PXK: variants seen among roughly 807,000 people sequenced by gnomAD.
PXK encodes PX domain-containing protein kinase-like protein.
Under a neutral mutation model 84.7 loss-of-function variants are expected in PXK, and 35 were observed. The ratio of observed to expected loss-of-function variants is 0.41; its 90% CI spans 0.32 to 0.55. The LOEUF is 0.55. Among genes scored for constraint, PXK ranks in the 20% least tolerant of loss-of-function variants. PXK has a pLI of 0.21. For synonymous variants in PXK, 253 were observed against 260.8 expected (o/e 0.97, Z 0.29); for missense variants, 634 against 699.7 (o/e 0.91, Z 1.06).
At chr3:58,339,627 G>A (rs1423000961) in intron 1 of PXK, among the ~76,000 whole-genome samples, 3 of 152,054 alleles carry the variant, frequency 2.0e-5, no homozygotes, top group African/African-American at 7.2e-5. Context: ...AAGATTTCTC[G>A]TAATAAGAAT....
Position 58,379,815 on chromosome 3 carries a change from G to A in PXK, c.202-2699G>A, listed in dbSNP as rs555152930. Among the ~76,000 whole-genome samples, 5 of 151,994 alleles carry A rather than the reference G, an allele frequency of 3.3e-5. No individual in the cohort carries two copies. The highest frequency in any genetic ancestry group is 7.4e-5 in the Non-Finnish European group (5 of 67,988). ...GAAAAGCGAAATACAAAAATTAGTCGGGCATGGTGGTGCACATCTGTAGTC... is the reference window on the plus strand; with the variant it reads ...GAAAAGCGAAATACAAAAATTAGTCAGGCATGGTGGTGCACATCTGTAGTC... On this transcript the variant is annotated intron_variant, in intron 3 of 17. Transcript: ENST00000356151. The surrounding 1 kb of genome is among the most constrained non-coding windows in gnomAD (Gnocchi z 5.1).
intron 17 of PXK, among the ~76,000 whole-genome samples, chr3:58,423,767 G>A (rs1320937623): frequency 1.3e-4 from 20 of 152,072 alleles, no homozygotes; most frequent in Admixed American, 1.3e-3. Flanking sequence ...GCAACTAACT[G>A]TGGCACAGGA....
intron 17 of PXK, chr3:58,420,798 C>T (rs1435193502): frequency 7.3e-7 from 1 of 1,363,028 alleles, no homozygotes; most frequent in East Asian, 2.8e-5. Flanking sequence ...TTCATTTTCA[C>T]TCTGATTTCA....
At chr3:58,406,895 T>A (rs558922561) in intron 13 of PXK, among the ~76,000 whole-genome samples, 2 of 152,204 alleles carry the variant, frequency 1.3e-5, no homozygotes, top group African/African-American at 4.8e-5. Flanking sequence ...AAGATTTCCT[T>A]CTATTTTTAA....
Position 58,365,931 on chromosome 3 carries a change from A to AACT in PXK, c.153+7_153+8insACT. 1 of 1,492,568 alleles carries AACT rather than the reference A, an allele frequency of 6.7e-7. No individual in the cohort carries two copies. Among genetic ancestry groups the AACT allele is most frequent in the Non-Finnish European group, 8.9e-7 (1 of 1,124,888 alleles). 92.5% of individuals were successfully genotyped at this position (1,492,568 alleles called of 1,614,324 possible). Reference sequence around the variant, plus strand: ...TGTGGAAAACAGCTGGCAGGTAAGCATCTTTTTTTTTTTTTTTGTCAATTA... The same window carrying AACT: ...TGTGGAAAACAGCTGGCAGGTAAGCAACTTCTTTTTTTTTTTTTTTGTCAATTA... On this transcript the variant is annotated splice_region_variant and intron_variant, in intron 2 of 17. Transcript: ENST00000356151.
intron 16 of PXK, among the ~76,000 whole-genome samples, chr3:58,410,972 A>G (rs565310176): frequency 1.3e-5 from 2 of 152,344 alleles, no homozygotes; most frequent in East Asian, 1.9e-4. Flanking sequence ...CAGGGGCACC[A>G]TGGCGGGTAG....
chr3:58,354,196 A>C (rs2108135952), intron 1 of PXK, among the ~76,000 whole-genome samples: 2 of 152,052 alleles, frequency 1.3e-5, no homozygotes, highest in East Asian at 3.9e-4. Flanking sequence ...GCTCCTTTAA[A>C]CGGCATTGGC....
At chr3:58,338,628 A>T (rs1420887745) in intron 1 of PXK, among the ~76,000 whole-genome samples, 1 of 152,234 alleles carries the variant, frequency 6.6e-6, no homozygotes, top group East Asian at 1.9e-4. Context: ...GTCTTAAAAA[A>T]AAAAATTCTT....
intron 3 of PXK, among the ~76,000 whole-genome samples, chr3:58,374,978 G>A (rs1201504451): frequency 6.6e-6 from 1 of 152,174 alleles, no homozygotes; most frequent in Admixed American, 6.6e-5. Context: ...TGGCAAAAGA[G>A]CTCTTTGTTT....
chr3:58,357,754 A>G (rs1475857523), intron 1 of PXK, among the ~76,000 whole-genome samples: 1 of 152,190 alleles, frequency 6.6e-6, no homozygotes, highest in African/African-American at 2.4e-5. Context: ...GTTACAGACC[A>G]GCCTGGCAAA....
chr3:58,339,237 T>C (rs2097683935), intron 1 of PXK, among the ~76,000 whole-genome samples: 1 of 148,396 alleles, frequency 6.7e-6, no homozygotes, highest in Non-Finnish European at 1.5e-5. Flanking sequence ...TGTTTTTTTT[T>C]GTTTTTTTTT....
intron 1 of PXK, among the ~76,000 whole-genome samples, chr3:58,353,653 A>G (rs772254574): frequency 1.4e-4 from 22 of 152,248 alleles, no homozygotes; most frequent in East Asian, 3.8e-4. Context: ...GCTGAATTCT[A>G]TGAGAATTTC....
chr3:58,406,652 T>C (rs1479526976), intron 13 of PXK, among the ~76,000 whole-genome samples: 1 of 152,328 alleles, frequency 6.6e-6, no homozygotes, highest in East Asian at 1.9e-4. Context: ...TGGTGTTAAC[T>C]ATCTTCACAT....
rs75478652 is a variant in PXK, at chr3:58,359,850, T to G, written c.103-6024T>G. ...GAAATAATTGCATTAGCTTATTGCT[T>G]AAGAGATTTGCCTGAGGCTGGGCAT... On this transcript the variant is annotated intron_variant, in intron 1 of 17. Coordinates refer to ENST00000356151, the MANE Select transcript of PXK (RefSeq NM_017771.5). 3.7e-3 allele frequency among the ~76,000 whole-genome samples: 560 copies of G among 152,198 alleles called. 2 individuals are homozygous for G. Among genetic ancestry groups the G allele is most frequent in the Non-Finnish European group, 5.9e-3 (402 of 67,990 alleles).
At chr3:58,415,117 A>G (rs1185689559) in intron 17 of PXK, among the ~76,000 whole-genome samples, 1 of 152,186 alleles carries the variant, frequency 6.6e-6, no homozygotes, top group Non-Finnish European at 1.5e-5. Flanking sequence ...CACAATAATA[A>G]TCAACACAGA....
At chr3:58,389,687 AAC>A (rs1436251496) in intron 4 of PXK, among the ~76,000 whole-genome samples, 3 of 151,514 alleles carry the variant, frequency 2.0e-5, no homozygotes, top group African/African-American at 4.8e-5. Context: ...CAAAAAAAAA[AAC>A]CACACGCACC....
intron 3 of PXK, among the ~76,000 whole-genome samples, chr3:58,371,174 T>C (rs923429003): frequency 4.6e-5 from 7 of 152,240 alleles, no homozygotes; most frequent in African/African-American, 1.7e-4. Context: ...ATAATGTCTT[T>C]TTGTGTTTTA....
rs2061833669 is a variant in PXK at position 58,421,436 on chromosome 3, G to A, written c.1529-3316G>A. 5 of 793,134 alleles carry A rather than the reference G, an allele frequency of 6.3e-6. No homozygotes were observed. Among genetic ancestry groups the A allele is most frequent in the Non-Finnish European group, 6.1e-6 (4 of 654,594 alleles). The allele number at this position is 793,134 out of a possible 1,614,324, so 49.1% of individuals were successfully genotyped here. On this transcript the variant is annotated intron_variant, in intron 17 of 17. Transcript: ENST00000356151. This position sits in a 1 kb window ranked among gnomAD's most constrained non-coding sequence, Gnocchi z 5.5. Reference sequence around the variant, plus strand: ...TCTGTACTAAAAATACAAAAATTAGGTGGGCATGGTACCACGCGCCTGTAA... The same window carrying A: ...TCTGTACTAAAAATACAAAAATTAGATGGGCATGGTACCACGCGCCTGTAA...
intron 1 of PXK, among the ~76,000 whole-genome samples, chr3:58,351,234 TCTCA>T: frequency 6.6e-6 from 1 of 152,202 alleles, no homozygotes; most frequent in African/African-American, 2.4e-5. Context: ...CAAGAAAGGG[TCTCA>T]CTCTATCGCC....
Sources: gnomAD v4.1 joint callset for allele counts (sites outside exome capture counted in the v4.1 genomes callset) on GRCh38, gnomAD v4.1.1 for gene constraint, Gnocchi (gnomAD v3.1) non-coding constraint, MANE v1.5 for transcripts, NCBI Gene and HGNC (gene_info 2026-07-23, HGNC 2026-07-21) for gene names.